FNBP1: variants seen among roughly 807,000 people sequenced by gnomAD.
The protein encoded by FNBP1 is formin binding protein 1, also known as formin-binding protein 1.
A neutral mutation model predicts 90.6 loss-of-function variants in FNBP1; 26 were observed. The ratio of observed to expected loss-of-function variants is 0.29; its 90% CI spans 0.21 to 0.40. FNBP1 has a LOEUF of 0.40. Among genes scored for constraint, FNBP1 ranks in the 10% least tolerant of loss-of-function variants. FNBP1 has a pLI of 1.00. For missense variants in FNBP1, 635 were observed against 768.0 expected, an observed-to-expected ratio of 0.83 and a Z score of 2.05; for synonymous variants, 260 against 265.2, an observed-to-expected ratio of 0.98 and a Z score of 0.19.
At chr9:129,986,335 G>C (rs139571368) in intron 2 of FNBP1, among the ~76,000 whole-genome samples, 1 of 151,924 alleles carries the variant, frequency 6.6e-6, no homozygotes, top group African/African-American at 2.4e-5. Context: ...AATACTATGG[G>C]ATAAAATAAA....
chr9:129,932,152 A>G (rs1355301597), intron 6 of FNBP1, among the ~76,000 whole-genome samples: 1 of 151,982 alleles, frequency 6.6e-6, no homozygotes, highest in Non-Finnish European at 1.5e-5. Context: ...CGGAGGTTGC[A>G]GCGAGCCGAG....
At chr9:130,029,833 A>G (rs2058653151) in intron 1 of FNBP1, among the ~76,000 whole-genome samples, 1 of 151,752 alleles carries the variant, frequency 6.6e-6, no homozygotes. Flanking sequence ...AAAATGCAAA[A>G]ATCAGCCTGG....
chr9:130,029,329 G>C (rs1001187478), intron 1 of FNBP1, among the ~76,000 whole-genome samples: 2 of 152,016 alleles, frequency 1.3e-5, no homozygotes, highest in Non-Finnish European at 2.9e-5. Flanking sequence ...GCTCAGGCTG[G>C]TGTCAAACTC....
At chr9:129,910,234 G>A (rs2038991477) in intron 11 of FNBP1, 1 of 455,510 alleles carries the variant, frequency 2.2e-6, no homozygotes, top group Non-Finnish European at 4.4e-6. Flanking sequence ...TGTAATTCCA[G>A]CACTTTGGGA....
chr9:129,954,322 G>A (rs996681459), intron 6 of FNBP1, among the ~76,000 whole-genome samples: 4 of 152,040 alleles, frequency 2.6e-5, no homozygotes, highest in African/African-American at 9.7e-5. Flanking sequence ...TTAAGGGATA[G>A]TGAGTTTAAT....
At position 129,890,582 on chromosome 9, in the gene FNBP1, T is replaced by A. The variant is rs374261144; in HGVS notation, c.1847-36A>T. On this transcript the variant is annotated intron_variant, in intron 16 of 16. Coordinates refer to ENST00000446176, the MANE Select transcript of FNBP1 (RefSeq NM_015033.3). This position sits in a 1 kb window ranked among gnomAD's most constrained non-coding sequence, Gnocchi z 5.8. ...AAGAGAAACAGAAAGAGAAACTCTC[T>A]GTTAGAGAGGAAGGCGCGGGTTCCA... 21 of 1,563,460 alleles carry A rather than the reference T, an allele frequency of 1.3e-5. No homozygotes were observed. In the African/African-American group the frequency reaches 2.6e-4, roughly 19 times the overall value.
At chr9:129,945,104 T>G (rs1336117113) in intron 6 of FNBP1, among the ~76,000 whole-genome samples, 2 of 152,206 alleles carry the variant, frequency 1.3e-5, no homozygotes, top group Non-Finnish European at 2.9e-5. Flanking sequence ...CTTATAGGCT[T>G]GTTAATAATT....
chr9:130,029,195 G>A (rs184569494), intron 1 of FNBP1, among the ~76,000 whole-genome samples: 6 of 150,834 alleles, frequency 4.0e-5, no homozygotes, highest in South Asian at 2.1e-4. Context: ...TTGCTCTGTC[G>A]CCCAGCCTGG....
chr9:130,052,621 A>G, the FNBP1 span, among the ~76,000 whole-genome samples: 275 of 151,634 alleles, frequency 1.8e-3, 2 homozygotes, highest in African/African-American at 6.3e-3. Context: ...TTTAGTAGAG[A>G]CGAGGTTTTG....
chr9:129,942,379 C>A (rs888690983), intron 6 of FNBP1, among the ~76,000 whole-genome samples: 1 of 152,166 alleles, frequency 6.6e-6, no homozygotes, highest in Non-Finnish European at 1.5e-5. Flanking sequence ...CCCTTTACGT[C>A]TGACTTGGGC....
intron 4 of FNBP1, among the ~76,000 whole-genome samples, chr9:129,964,153 T>C (rs1167967089): frequency 6.6e-6 from 1 of 152,230 alleles, no homozygotes; most frequent in African/African-American, 2.4e-5. Context: ...CTTTGCCAGA[T>C]GTATTTGTTG....
chr9:130,010,938 G>A (rs1461477164), intron 1 of FNBP1, among the ~76,000 whole-genome samples: 2 of 151,524 alleles, frequency 1.3e-5, no homozygotes, highest in Non-Finnish European at 2.9e-5. Context: ...CAGGGCTCAA[G>A]ATAGACATGG....
rs779996821 is a variant in FNBP1 at position 129,890,504 on chromosome 9, A to G, written c.*35T>C. The G allele has an allele frequency of 1.1e-4, 170 of 1,573,544 alleles. No homozygotes were observed. The highest frequency in any genetic ancestry group is 1.4e-4 in the Non-Finnish European group (167 of 1,157,644). On this transcript the variant is annotated 3_prime_UTR_variant, in exon 17 of 17. Transcript: ENST00000446176. This position sits in a 1 kb window ranked among gnomAD's most constrained non-coding sequence, Gnocchi z 5.8. ...GGAACAAGCAGACGGAGGCTCCTCC[A>G]GGAAGGCTCACCCGAGGCTCGCAGG...
chr9:129,935,912 T>C (rs892404033), intron 6 of FNBP1, among the ~76,000 whole-genome samples: 3 of 151,940 alleles, frequency 2.0e-5, no homozygotes, highest in African/African-American at 7.3e-5. Context: ...GTTTTTAACA[T>C]GGCCCCAGAT....
At chr9:130,020,698 A>G (rs2131898459) in intron 1 of FNBP1, among the ~76,000 whole-genome samples, 1 of 152,320 alleles carries the variant, frequency 6.6e-6, no homozygotes, top group East Asian at 1.9e-4. Flanking sequence ...TGCTACGCCA[A>G]CTCAGCGGAG....
intron 15 of FNBP1, 135 bp downstream of exon 15, chr9:129,899,830 A>AG: frequency 1.5e-6 from 1 of 672,386 alleles, no homozygotes; most frequent in African/African-American, 1.9e-5. Context: ...GGGGAAGGGA[A>AG]GGTAGGAAGG....
At chr9:129,930,470 A>G (rs1208455194) in intron 6 of FNBP1, among the ~76,000 whole-genome samples, 1 of 152,190 alleles carries the variant, frequency 6.6e-6, no homozygotes. Context: ...TAGCATGTTT[A>G]TATTTAGTAT....
intron 1 of FNBP1, among the ~76,000 whole-genome samples, chr9:130,021,495 A>G (rs1262809551): frequency 6.6e-6 from 1 of 152,198 alleles, no homozygotes; most frequent in Non-Finnish European, 1.5e-5. Flanking sequence ...AAAAGCCACT[A>G]AATACTGGTT....
chr9:130,011,266 A>G (rs1466328956), intron 1 of FNBP1, among the ~76,000 whole-genome samples: 1 of 54,226 alleles, frequency 1.8e-5, no homozygotes, highest in East Asian at 7.4e-4. Context: ...ATATATATAT[A>G]TAAAATATAT....
Sources: allele counts gnomAD v4.1 joint callset (sites outside exome capture counted in the v4.1 genomes callset), GRCh38; gene constraint gnomAD v4.1.1; non-coding constraint Gnocchi (gnomAD v3.1); transcripts MANE v1.5; gene names NCBI Gene and HGNC (gene_info 2026-07-23, HGNC 2026-07-21).